Variants in KCNJ6 observed in about 807,000 individuals in gnomAD.
KCNJ6 encodes the protein G protein-activated inward rectifier potassium channel 2.
In KCNJ6, 9 loss-of-function variants were observed where a neutral mutation model predicts 34.2. That is an observed-to-expected ratio of 0.26 (90% CI 0.16 to 0.46). KCNJ6 has a LOEUF of 0.46. Among genes scored for constraint, KCNJ6 ranks in the 20% least tolerant of loss-of-function variants. The pLI is 1.00. For missense variants in KCNJ6, 236 were observed against 531.3 expected, an observed-to-expected ratio of 0.44 and a Z score of 5.46; for synonymous variants, 196 against 207.1, an observed-to-expected ratio of 0.95 and a Z score of 0.46.
At chr21:37,713,066 C>T (rs2054770799) in intron 3 of KCNJ6, among the ~76,000 whole-genome samples, 1 of 152,096 alleles carries the variant, frequency 6.6e-6, no homozygotes, top group African/African-American at 2.4e-5. Context: ...AAAAGTTTCA[C>T]ACCACCACCG....
chr21:37,799,620 G>T (rs2055259912), intron 2 of KCNJ6, among the ~76,000 whole-genome samples: 1 of 152,118 alleles, frequency 6.6e-6, no homozygotes, highest in Non-Finnish European at 1.5e-5. Context: ...GAATAAATCA[G>T]ATATTCCCAT....
rs1359211114 is a variant in KCNJ6, at chr21:37,914,000, C to T, written c.-28+1884G>A. On this transcript the variant is annotated intron_variant, in intron 1 of 3. Coordinates refer to ENST00000609713, the MANE Select transcript of KCNJ6 (RefSeq NM_002240.5). ...TGAAACTAGCAACCCTCGTCAGAGGCGGATCGGGGTGTGTGTGTGTGTGTG... is the reference window on the plus strand; with the variant it reads ...TGAAACTAGCAACCCTCGTCAGAGGTGGATCGGGGTGTGTGTGTGTGTGTG... 1.0e-4 allele frequency among the ~76,000 whole-genome samples: 11 copies of T among 107,894 alleles called. No individual in the cohort carries two copies. The East Asian group carries it at 4.4e-3, about 43-fold the overall frequency. The allele number at this position is 107,894 out of a possible 152,430, so 70.8% of individuals were successfully genotyped here. A position where few individuals can be genotyped will look rare whatever the true frequency, so the allele number is the denominator to read the frequency against.
Position 37,881,219 on chromosome 21 carries a change from G to A in KCNJ6, c.-28+34665C>T, listed in dbSNP as rs1178855948. The stretch of plus-strand genomic sequence containing the variant: ...AAGGCAGTCAGGAGTGGAAAGCTCC[G>A]GGATTCTGATGTGGAGAAAGTTGTA... On this transcript the variant is annotated intron_variant, in intron 1 of 3. Transcript: ENST00000609713. Among the ~76,000 whole-genome samples the A allele has an allele frequency of 1.2e-4, 18 of 152,328 alleles. 1 individual carries two copies. The highest frequency in any genetic ancestry group is 9.1e-4 in the Admixed American group (14 of 15,306).
At chr21:37,722,342 T>C (rs1468070820) in intron 2 of KCNJ6, among the ~76,000 whole-genome samples, 6 of 152,182 alleles carry the variant, frequency 3.9e-5, no homozygotes, top group Non-Finnish European at 8.8e-5. Flanking sequence ...GAAGAATCAA[T>C]ATCATTAAAA....
chr21:37,767,671 T>C (rs938907023), intron 2 of KCNJ6, among the ~76,000 whole-genome samples: 6 of 152,200 alleles, frequency 3.9e-5, no homozygotes, highest in African/African-American at 1.4e-4. Flanking sequence ...TTAAAATGAT[T>C]TAAGACTGTG....
At chr21:37,647,011 A>C (rs1455847929) in intron 3 of KCNJ6, among the ~76,000 whole-genome samples, 4 of 152,098 alleles carry the variant, frequency 2.6e-5, no homozygotes, top group Non-Finnish European at 5.9e-5. Context: ...AGCTCTTCCA[A>C]GGTGGTGGAA....
intron 1 of KCNJ6, among the ~76,000 whole-genome samples, chr21:37,901,782 A>G (rs1337410854): frequency 4.6e-5 from 7 of 152,122 alleles, no homozygotes; most frequent in Admixed American, 1.3e-4. Context: ...AAACTCATTT[A>G]TTTCTCCTTT....
intron 2 of KCNJ6, among the ~76,000 whole-genome samples, chr21:37,788,418 C>T (rs771829244): frequency 3.3e-5 from 5 of 152,178 alleles, no homozygotes; most frequent in Non-Finnish European, 7.3e-5. Flanking sequence ...CGTCCCCCCA[C>T]ATTTGCTCAG....
At chr21:37,847,425 G>A (rs1041894133) in intron 1 of KCNJ6, among the ~76,000 whole-genome samples, 22 of 137,140 alleles carry the variant, frequency 1.6e-4, no homozygotes, top group Admixed American at 1.5e-3. Context: ...GGTGCCACCT[G>A]CAACCCTAGG....
intron 3 of KCNJ6, among the ~76,000 whole-genome samples, chr21:37,707,133 C>T (rs940852409): frequency 3.9e-5 from 6 of 152,144 alleles, no homozygotes; most frequent in Non-Finnish European, 7.3e-5. Flanking sequence ...GCCAGGCTGG[C>T]TTTTACCCTT....
chr21:37,686,759 G>T (rs991015693), intron 3 of KCNJ6, among the ~76,000 whole-genome samples: 1 of 152,188 alleles, frequency 6.6e-6, no homozygotes, highest in South Asian at 2.1e-4. Context: ...GAGCCACCGC[G>T]CCCAGCCTCT....
At chr21:37,872,707 T>C (rs751866399) in intron 1 of KCNJ6, among the ~76,000 whole-genome samples, 10 of 152,178 alleles carry the variant, frequency 6.6e-5, no homozygotes, top group Non-Finnish European at 1.2e-4. Context: ...ATCAATACTC[T>C]CTATAGGCCT....
At chr21:37,717,330 G>C (rs1047510755) in intron 2 of KCNJ6, 1 of 152,232 alleles carries the variant, frequency 6.6e-6, no homozygotes, top group African/African-American at 2.4e-5. Context: ...AGGTGGGGTG[G>C]GTGTATGGAT....
chr21:37,702,556 C>T (rs2054697045), intron 3 of KCNJ6, among the ~76,000 whole-genome samples: 1 of 152,138 alleles, frequency 6.6e-6, no homozygotes, highest in Admixed American at 6.5e-5. Flanking sequence ...CTGCTTTGGC[C>T]ATACTGGTTG....
chr21:37,874,163 C>A (rs141998963), intron 1 of KCNJ6, among the ~76,000 whole-genome samples: 2 of 152,312 alleles, frequency 1.3e-5, no homozygotes, highest in East Asian at 3.9e-4. Flanking sequence ...TAGCACCCAG[C>A]CCAATGGATG....
At chr21:37,756,879 C>A (rs368177464) in intron 2 of KCNJ6, among the ~76,000 whole-genome samples, 1 of 79,954 alleles carries the variant, frequency 1.3e-5, no homozygotes, top group Non-Finnish European at 2.5e-5. Flanking sequence ...GATTCCAGCC[C>A]GGAGTGAGCA....
intron 2 of KCNJ6, among the ~76,000 whole-genome samples, chr21:37,806,238 A>G (rs2055292977): frequency 1.3e-5 from 2 of 152,204 alleles, no homozygotes; most frequent in African/African-American, 2.4e-5. Flanking sequence ...TAGATAGCGG[A>G]TGGGGACTGA....
intron 1 of KCNJ6, among the ~76,000 whole-genome samples, chr21:37,861,001 A>G (rs1023289157): frequency 6.6e-6 from 1 of 152,216 alleles, no homozygotes; most frequent in Admixed American, 6.5e-5. Context: ...TCATCTGTAC[A>G]ATAGGGATAA....
chr21:37,815,279 T>G (rs1362770211), intron 2 of KCNJ6, among the ~76,000 whole-genome samples: 1 of 152,268 alleles, frequency 6.6e-6, no homozygotes, highest in South Asian at 2.1e-4. Flanking sequence ...TGCTGGATTG[T>G]TGTAACATAA....
Sources: gnomAD v4.1 joint callset for allele counts (sites outside exome capture counted in the v4.1 genomes callset) on GRCh38, gnomAD v4.1.1 for gene constraint, MANE v1.5 for transcripts, NCBI Gene and HGNC (gene_info 2026-07-23, HGNC 2026-07-21) for gene names.